LMTK2: variants seen among roughly 807,000 people sequenced by gnomAD.
LMTK2 encodes the protein serine/threonine-protein kinase LMTK2.
A neutral mutation model predicts 127.5 loss-of-function variants in LMTK2; 37 were observed. The observed-to-expected ratio is 0.29, with a 90% CI of 0.22 to 0.38. The LOEUF is 0.38. LMTK2 is among the 10% of genes least tolerant of loss of function. The pLI, the probability that LMTK2 is intolerant of heterozygous loss-of-function variation, is 1.00. For synonymous variants in LMTK2, 819 were observed against 810.1 expected (o/e 1.01, Z -0.19); for missense variants, 1,694 against 1,920.3 (o/e 0.88, Z 2.20).
At position 98,193,332 on chromosome 7, in the gene LMTK2, A is replaced by G. The variant is rs1301473576; in HGVS notation, c.2867A>G (p.Lys956Arg). ...GAGACTTTAAATCAGCTCAATTCTA[A>G]AGACGCAGCAAAAGAAGCAGGCTTG... ...AVETLNQLNS[K>R]DAAKEAGLVS... is the part of the protein sequence containing the mutation. Residue 956 changes from lysine (K) to arginine (R), a missense_variant, in exon 11 of 14, where the codon AAA (lysine) becomes AGA (arginine). This residue lies in a region of LMTK2 where 527 missense variants were observed against 539.8 expected (regional missense o/e 0.98). Coordinates refer to ENST00000297293, the MANE Select transcript of LMTK2 (RefSeq NM_014916.4). The surrounding 1 kb of genome is among the most constrained non-coding windows in gnomAD (Gnocchi z 4.1). 16 of 1,614,008 alleles carry G rather than the reference A, an allele frequency of 9.9e-6. No homozygotes were observed. The highest frequency in any genetic ancestry group is 1.3e-5 in the Non-Finnish European group (15 of 1,180,030).
rs141346804 is a variant in LMTK2, at chr7:98,186,356, C to T, written c.877-521C>T. ...GATTGCAGGCGTGAGCCACCGAGCC[C>T]GGCCTGCATCATCTCATTTAATCCT... On this transcript the variant is annotated intron_variant, in intron 8 of 13. Coordinates refer to ENST00000297293, the MANE Select transcript of LMTK2 (RefSeq NM_014916.4). Among the ~76,000 whole-genome samples, 1,143 of 152,138 alleles carry T rather than the reference C, an allele frequency of 7.5e-3. 17 individuals carry two copies. Among genetic ancestry groups the T allele is most frequent in the African/African-American group, 0.026 (1,058 of 41,476 alleles).
chr7:98,123,722 C>G (rs1249114061), intron 1 of LMTK2, among the ~76,000 whole-genome samples: 1 of 135,106 alleles, frequency 7.4e-6, no homozygotes, highest in African/African-American at 2.6e-5. Flanking sequence ...CACACACACA[C>G]ACACAGACAT....
At position 98,193,202 on chromosome 7, in the gene LMTK2, A is replaced by G; in HGVS notation, c.2737A>G (p.Ser913Gly). 1 of 1,613,704 alleles carries G rather than the reference A, an allele frequency of 6.2e-7. No individual in the cohort carries two copies. The highest frequency in any genetic ancestry group is 8.5e-7 in the Non-Finnish European group (1 of 1,179,982). ...LADDILASRV[S>G]VGSSLPELGQ... Reference sequence around the variant, plus strand: ...TGATGACATCCTTGCCAGCAGGGTGAGTGTAGGGAGTAGTCTCCCGGAACT... The same window carrying G: ...TGATGACATCCTTGCCAGCAGGGTGGGTGTAGGGAGTAGTCTCCCGGAACT... Residue 913 changes from serine to glycine, a missense_variant, in exon 11 of 14, where the codon AGT becomes GGT. Around this residue, in one of 8 missense-constraint regions of LMTK2, gnomAD observed 527 missense variants for 539.8 expected, o/e 0.98. Coordinates refer to ENST00000297293, the MANE Select transcript of LMTK2 (RefSeq NM_014916.4). This position sits in a 1 kb window ranked among gnomAD's most constrained non-coding sequence, Gnocchi z 4.1.
chr7:98,192,471 T>A lies in LMTK2; in HGVS notation c.2006T>A (p.Leu669Ter). 6.2e-7 allele frequency: 1 copy of A among 1,611,474 alleles called. No homozygotes were observed. Residue 669 changes from leucine (L) to a stop codon, truncating the protein, a stop_gained, in exon 11 of 14, where the codon TTA becomes TAA. Coordinates refer to ENST00000297293, the MANE Select transcript of LMTK2 (RefSeq NM_014916.4). LOFTEE classifies it high-confidence loss of function. ...GVQADFKPAT[L>*]SSSLDNPKES... ...CAAGCCGACTTTAAACCTGCCACTT[T>A]AAGTTCCAGTTTGGATAACCCCAAA...
At chr7:98,195,188 T>A (rs1298218705) in intron 11 of LMTK2, among the ~76,000 whole-genome samples, 1 of 152,226 alleles carries the variant, frequency 6.6e-6, no homozygotes, top group Non-Finnish European at 1.5e-5. Flanking sequence ...TGGCCTCCAA[T>A]TTTTAGAGCC....
chr7:98,200,132 G>C (rs1182616426), intron 11 of LMTK2, among the ~76,000 whole-genome samples: 1 of 151,034 alleles, frequency 6.6e-6, no homozygotes, highest in Admixed American at 6.6e-5. Flanking sequence ...TGGTTGTTCT[G>C]GGGGTTACAA....
chr7:98,125,198 GA>G (rs1310032310), intron 1 of LMTK2, among the ~76,000 whole-genome samples: 1 of 151,942 alleles, frequency 6.6e-6, no homozygotes, highest in African/African-American at 2.4e-5. Context: ...AGCTACTCAG[GA>G]GGCTGAGGCA....
chr7:98,150,893 A>G (rs963029846), intron 3 of LMTK2, among the ~76,000 whole-genome samples: 11 of 152,196 alleles, frequency 7.2e-5, no homozygotes, highest in Admixed American at 5.9e-4. Flanking sequence ...CTTGGGGGTA[A>G]TGGAGATGTT....
intron 6 of LMTK2, among the ~76,000 whole-genome samples, chr7:98,165,073 C>T (rs1797074741): frequency 1.3e-5 from 2 of 152,162 alleles, no homozygotes; most frequent in Non-Finnish European, 2.9e-5. Flanking sequence ...GACAGTAGTG[C>T]GTTGCTCTGT....
intron 7 of LMTK2, among the ~76,000 whole-genome samples, chr7:98,177,411 A>T (rs1797293684): frequency 6.6e-6 from 1 of 152,234 alleles, no homozygotes; most frequent in Admixed American, 6.5e-5. Context: ...ACATGGAAAG[A>T]TGCACCATGA....
At chr7:98,158,671 G>A (rs1796967086) in intron 5 of LMTK2, among the ~76,000 whole-genome samples, 1 of 152,132 alleles carries the variant, frequency 6.6e-6, no homozygotes, top group Admixed American at 6.5e-5. Flanking sequence ...CATCGTATTA[G>A]GTATTACAAG....
At chr7:98,189,673 C>CCT (rs1240964160) in intron 9 of LMTK2, among the ~76,000 whole-genome samples, 1 of 152,122 alleles carries the variant, frequency 6.6e-6, no homozygotes, top group Non-Finnish European at 1.5e-5. Context: ...AATGCAGAGA[C>CCT]CTCGTGGAGG....
intron 7 of LMTK2, among the ~76,000 whole-genome samples, chr7:98,173,426 C>A (rs1361706403): frequency 1.3e-5 from 2 of 151,820 alleles, no homozygotes; most frequent in East Asian, 3.9e-4. Flanking sequence ...CTTTTGATGT[C>A]TTTTATAACA....
intron 2 of LMTK2, among the ~76,000 whole-genome samples, chr7:98,138,821 C>G (rs964834649): frequency 1.3e-5 from 2 of 152,148 alleles, no homozygotes; most frequent in African/African-American, 4.8e-5. Context: ...GGATTGAATG[C>G]GGGAGTTCAT....
chr7:98,110,934 G>A (rs1326935173), intron 1 of LMTK2, among the ~76,000 whole-genome samples: 1 of 152,206 alleles, frequency 6.6e-6, no homozygotes, highest in Non-Finnish European at 1.5e-5. Flanking sequence ...GATTTCTAAA[G>A]TAAAGGAAAT....
chr7:98,181,363 T>G (rs1026728208), intron 7 of LMTK2, among the ~76,000 whole-genome samples: 1 of 152,138 alleles, frequency 6.6e-6, no homozygotes, highest in Non-Finnish European at 1.5e-5. Flanking sequence ...GTAGCCTCCA[T>G]CTCAAGGACT....
At position 98,203,598 on chromosome 7, in the gene LMTK2, C is replaced by T. The variant is rs745510576; in HGVS notation, c.4132C>T (p.Pro1378Ser). The change falls in exon 12 of 14, where the codon CCC becomes TCC. Residue 1378 changes from proline (P) to serine (S), a missense_variant. Pro to Ser is a moderately conservative substitution (Grantham distance 74). Transcript: ENST00000297293. Reference sequence around the variant, plus strand: ...GGAGACCCCAACCAAAGAGCTGGGGCCCTGTGGAGGAGAGGCGTGCGGCCC... The same window carrying T: ...GGAGACCCCAACCAAAGAGCTGGGGTCCTGTGGAGGAGAGGCGTGCGGCCC... ...DQETPTKELGPCGGEACGPDL... is the reference protein window; with the variant it reads ...DQETPTKELGSCGGEACGPDL... 6.2e-7 allele frequency: 1 copy of T among 1,601,122 alleles called. No homozygotes were observed. The highest frequency in any genetic ancestry group is 8.5e-7 in the Non-Finnish European group (1 of 1,176,616).
chr7:98,120,712 G>A (rs1459430518), intron 1 of LMTK2, among the ~76,000 whole-genome samples: 1 of 152,116 alleles, frequency 6.6e-6, no homozygotes, highest in African/African-American at 2.4e-5. Context: ...TCCCTATCTA[G>A]GCAGCAGCGG....
At chr7:98,155,818 T>G (rs1224213352) in intron 5 of LMTK2, among the ~76,000 whole-genome samples, 1 of 152,190 alleles carries the variant, frequency 6.6e-6, no homozygotes, top group African/African-American at 2.4e-5. Flanking sequence ...AGGAGGCGTC[T>G]TGGAACATCA....
Sources: gnomAD v4.1 joint callset for allele counts (sites outside exome capture counted in the v4.1 genomes callset) on GRCh38, gnomAD v4.1.1 for gene constraint, gnomAD v4.1.1 regional missense constraint, Gnocchi (gnomAD v3.1) non-coding constraint, MANE v1.5 for transcripts, NCBI Gene and HGNC (gene_info 2026-07-23, HGNC 2026-07-21) for gene names.